DYNC2H1: variants seen among roughly 807,000 people sequenced by gnomAD.
The protein encoded by DYNC2H1 is dynein cytoplasmic 2 heavy chain 1, also known as cytoplasmic dynein 2 heavy chain 1.
A neutral mutation model predicts 570.0 loss-of-function variants in DYNC2H1; 410 were observed. That is an observed-to-expected ratio of 0.72 (90% confidence interval 0.66 to 0.78). The LOEUF (loss-of-function observed/expected upper bound fraction) is 0.78. Ranked by LOEUF, DYNC2H1 falls within the 30% of genes least tolerant of loss-of-function variation. The pLI, the probability that DYNC2H1 is intolerant of heterozygous loss-of-function variation, is 0.00. For missense variants in DYNC2H1, 4,865 were observed against 5,046.4 expected, an observed-to-expected ratio of 0.96 and a Z score of 1.09; for synonymous variants, 1,688 against 1,677.6, an observed-to-expected ratio of 1.01 and a Z score of -0.15.
At chr11:103,452,461 T>C (rs1182923049) in intron 85 of DYNC2H1, among the ~76,000 whole-genome samples, 1 of 152,050 alleles carries the variant, frequency 6.6e-6, no homozygotes, top group Non-Finnish European at 1.5e-5. Context: ...CTGATTTCAT[T>C]GCTTATAGCC....
chr11:103,285,059 A>G (rs1339940125), intron 73 of DYNC2H1, among the ~76,000 whole-genome samples: 7 of 152,230 alleles, frequency 4.6e-5, no homozygotes, highest in Non-Finnish European at 1.0e-4. Context: ...GCATTTACAA[A>G]TAGAGACATA....
At position 103,197,808 on chromosome 11, in the gene DYNC2H1, C is replaced by T. The variant is rs1224994689; in HGVS notation, c.7709-125C>T. 4 of 1,068,688 alleles carry T rather than the reference C, an allele frequency of 3.7e-6. No homozygotes were observed. In the African/African-American group the frequency reaches 4.8e-5, roughly 13 times the overall value. 66.2% of individuals were successfully genotyped at this position (1,068,688 alleles called of 1,614,324 possible). Reference sequence around the variant, plus strand: ...CAATGTACACTTTAAAGTATTTTGCCTTTGCCCTTCTGGAGATGATCTTAT... The same window carrying T: ...CAATGTACACTTTAAAGTATTTTGCTTTTGCCCTTCTGGAGATGATCTTAT... On this transcript the variant is annotated intron_variant, in intron 47 of 88. Coordinates refer to ENST00000375735, the MANE Select transcript of DYNC2H1 (RefSeq NM_001377.3).
rs372268543 is a variant in DYNC2H1 at position 103,186,515 on chromosome 11, T to C, written c.6893+14T>C. 2.3e-5 allele frequency: 37 copies of C among 1,605,574 alleles called. No individual in the cohort carries two copies. The African/African-American group carries it at 3.2e-4, about 14-fold the overall frequency. On this transcript the variant is annotated intron_variant, in intron 42 of 88. Transcript: ENST00000375735. This position sits in a 1 kb window ranked among gnomAD's most constrained non-coding sequence, Gnocchi z 4.5. ...ATGTGGCAAAGGGTAAGAAAAATAT[T>C]GGCAAAGGTATATGTTGTGGATTTA...
intron 70 of DYNC2H1, among the ~76,000 whole-genome samples, chr11:103,262,629 T>C (rs1268631886): frequency 6.6e-6 from 1 of 152,030 alleles, no homozygotes; most frequent in Non-Finnish European, 1.5e-5. Context: ...AGAAATAAAA[T>C]CCTTTACAGA....
At chr11:103,452,738 ACAT>A (rs1944653933) in intron 85 of DYNC2H1, among the ~76,000 whole-genome samples, 1 of 151,960 alleles carries the variant, frequency 6.6e-6, no homozygotes, top group Non-Finnish European at 1.5e-5. Flanking sequence ...TTTATTTCTT[ACAT>A]AGTTTTCCAC....
intron 87 of DYNC2H1, among the ~76,000 whole-genome samples, chr11:103,463,503 A>G (rs949403379): frequency 1.3e-5 from 2 of 152,176 alleles, no homozygotes; most frequent in African/African-American, 4.8e-5. Context: ...TAATCCCAGC[A>G]CTTTGGGAGG....
intron 75 of DYNC2H1, among the ~76,000 whole-genome samples, chr11:103,298,731 CA>C: frequency 6.6e-6 from 1 of 152,144 alleles, no homozygotes; most frequent in Middle Eastern, 3.4e-3. Flanking sequence ...TCTTTTTAAT[CA>C]AATTTTAGAG....
intron 6 of DYNC2H1, among the ~76,000 whole-genome samples, chr11:103,118,156 G>A (rs1281931410): frequency 6.6e-6 from 1 of 152,066 alleles, no homozygotes; most frequent in Non-Finnish European, 1.5e-5. Flanking sequence ...TATTGCAATT[G>A]TTTTTAAGTT....
chr11:103,304,703 C>G lies in DYNC2H1; in HGVS notation c.11365C>G (p.Leu3789Val). The G allele has an allele frequency of 1.9e-6, 3 of 1,612,220 alleles. No homozygotes were observed. The East Asian group carries it at 6.7e-5, about 36-fold the overall frequency. Residue 3789 changes from leucine to valine, a missense_variant, in exon 77 of 89, where the codon CTG becomes GTG. Transcript: ENST00000375735. ...GAACTTACATCTTGTGGTATCTTGG[C>G]TGCCAGTTCTGGAAAAGGTAGATTC... ...LKNLHLVVSW[L>V]PVLEKELNTL...
At chr11:103,130,058 T>A (rs2435924) in intron 13 of DYNC2H1, among the ~76,000 whole-genome samples, 63,078 of 151,832 alleles carry the variant, frequency 0.42, 14,872 homozygotes, top group Admixed American at 0.55. Flanking sequence ...CTTCTAAGAG[T>A]CTTCTCCCAG....
rs1945416054 is a variant in DYNC2H1, at chr11:103,472,373, AG to A, written c.12765+3669del. Reference sequence around the variant, plus strand: ...GACCCCATCTTTATTAAATAAAAAAAGAATTAAAAAAATTTTTTTTAAAGAA... The same window carrying A: ...GACCCCATCTTTATTAAATAAAAAAAAATTAAAAAAATTTTTTTTAAAGAA... On this transcript the variant is annotated intron_variant, in intron 88 of 88. Transcript: ENST00000375735. This position sits in a 1 kb window ranked among gnomAD's most constrained non-coding sequence, Gnocchi z 4.1. Among the ~76,000 whole-genome samples the A allele has an allele frequency of 4.2e-5, 1 of 23,554 alleles. No homozygotes were observed. The highest frequency in any genetic ancestry group is 1.1e-4 in the Non-Finnish European group (1 of 8,836). 15.5% of individuals were successfully genotyped at this position (23,554 alleles called of 152,430 possible). A position where few individuals can be genotyped will look rare whatever the true frequency, so the allele number is the denominator to read the frequency against.
chr11:103,155,557 T>C lies in DYNC2H1; in HGVS notation c.3744+56T>C, dbSNP rs79005915. 8.5e-4 allele frequency: 1,266 copies of C among 1,496,830 alleles called. 23 individuals are homozygous for C. The East Asian group carries it at 0.022, about 26-fold the overall frequency. 92.7% of individuals were successfully genotyped at this position (1,496,830 alleles called of 1,614,324 possible). ...GTCTGGCCTTTTTTAATATACAATA[T>C]TGCTTCATATTTTGTTTAAATACAA... is the stretch of plus-strand genomic sequence containing the variant. On this transcript the variant is annotated intron_variant, in intron 25 of 88. Coordinates refer to ENST00000375735, the MANE Select transcript of DYNC2H1 (RefSeq NM_001377.3).
At chr11:103,411,294 A>C (rs1054450773) in intron 84 of DYNC2H1, among the ~76,000 whole-genome samples, 19 of 152,102 alleles carry the variant, frequency 1.2e-4, no homozygotes, top group Admixed American at 3.3e-4. Flanking sequence ...ATGATATATA[A>C]GGTAGCGCTT....
intron 85 of DYNC2H1, among the ~76,000 whole-genome samples, chr11:103,443,553 T>C (rs1402444364): frequency 2.6e-5 from 4 of 151,848 alleles, no homozygotes; most frequent in African/African-American, 9.7e-5. Flanking sequence ...GTAATATATA[T>C]TCTAGAAAGA....
chr11:103,172,646 A>T (rs569680717), intron 34 of DYNC2H1, among the ~76,000 whole-genome samples: 2 of 152,184 alleles, frequency 1.3e-5, no homozygotes, highest in East Asian at 3.9e-4. Context: ...TTATTACACT[A>T]TGATTGCCTC....
At chr11:103,468,849 C>G in intron 88 of DYNC2H1, 144 bp downstream of exon 88, 1 of 586,400 alleles carries the variant, frequency 1.7e-6, no homozygotes, top group Non-Finnish European at 2.9e-6. Flanking sequence ...GTCAAAAGTA[C>G]TTTATCCTTT....
chr11:103,424,226 A>G (rs1476095254), intron 84 of DYNC2H1, among the ~76,000 whole-genome samples: 1 of 151,192 alleles, frequency 6.6e-6, no homozygotes, highest in Non-Finnish European at 1.5e-5. Flanking sequence ...CACTCTAGAG[A>G]GGTGACTTTG....
intron 30 of DYNC2H1, among the ~76,000 whole-genome samples, chr11:103,164,769 A>G (rs1428143151): frequency 6.6e-6 from 1 of 152,224 alleles, no homozygotes; most frequent in African/African-American, 2.4e-5. Flanking sequence ...TCTTAACAGT[A>G]ATGCGATTTT....
chr11:103,367,765 T>C (rs1940976641), intron 83 of DYNC2H1, among the ~76,000 whole-genome samples: 1 of 152,148 alleles, frequency 6.6e-6, no homozygotes. Flanking sequence ...ATCTTCCCTT[T>C]ATGTATCCCC....
Sources: allele counts gnomAD v4.1 joint callset (sites outside exome capture counted in the v4.1 genomes callset), GRCh38; gene constraint gnomAD v4.1.1; non-coding constraint Gnocchi (gnomAD v3.1); transcripts MANE v1.5; gene names NCBI Gene and HGNC (gene_info 2026-07-23, HGNC 2026-07-21).